FRMD4A: variants seen among roughly 807,000 people sequenced by gnomAD.
The protein encoded by FRMD4A is FERM domain-containing protein 4A.
A neutral mutation model predicts 129.1 loss-of-function variants in FRMD4A; 29 were observed. The observed-to-expected ratio is 0.22, with a 90% CI of 0.17 to 0.31. The LOEUF (loss-of-function observed/expected upper bound fraction) is 0.31, where lower values mean the gene tolerates loss of function less well. FRMD4A is among the 10% of genes least tolerant of loss of function. The pLI is 1.00. For missense variants in FRMD4A, 1,272 were observed against 1,375.8 expected (o/e 0.92, Z 1.19); for synonymous variants, 634 against 571.6 (o/e 1.11, Z -1.56).
chr10:14,063,559 A>AT (rs1555028562), intron 2 of FRMD4A, among the ~76,000 whole-genome samples: 1 of 25,390 alleles, frequency 3.9e-5, no homozygotes, highest in African/African-American at 8.2e-5. Context: ...ACCTTTTCTC[A>AT]TTAAAAAAAA....
At chr10:13,946,419 A>C (rs1465355469) in intron 2 of FRMD4A, among the ~76,000 whole-genome samples, 1 of 152,178 alleles carries the variant, frequency 6.6e-6, no homozygotes, top group Non-Finnish European at 1.5e-5. Context: ...TCACCATAAA[A>C]AAAATTCTAG....
intron 2 of FRMD4A, among the ~76,000 whole-genome samples, chr10:14,110,736 T>C (rs1174353377): frequency 6.6e-6 from 1 of 152,266 alleles, no homozygotes; most frequent in Non-Finnish European, 1.5e-5. Flanking sequence ...TGAAATGTTT[T>C]AATCTGCCAA....
chr10:13,969,118 C>G (rs537614824), intron 2 of FRMD4A, among the ~76,000 whole-genome samples: 13 of 152,314 alleles, frequency 8.5e-5, no homozygotes, highest in Admixed American at 7.8e-4. Context: ...TGCTCTGGGC[C>G]GCCTCTTCTT....
intron 2 of FRMD4A, chr10:14,008,403 A>T: frequency 9.7e-7 from 1 of 1,027,464 alleles, no homozygotes; most frequent in Non-Finnish European, 1.2e-6. Flanking sequence ...ACGAAGCAGC[A>T]TCTCTAGCTT....
chr10:14,172,171 T>TA (rs1841510611), intron 2 of FRMD4A, among the ~76,000 whole-genome samples: 1 of 152,076 alleles, frequency 6.6e-6, no homozygotes, highest in East Asian at 1.9e-4. Context: ...ATAAAAAGAC[T>TA]AAAAAAGAAT....
chr10:14,272,831 G>A (rs1218347), intron 2 of FRMD4A, among the ~76,000 whole-genome samples: 94,477 of 152,042 alleles, frequency 0.62, 30,651 homozygotes, highest in African/African-American at 0.82. Flanking sequence ...TTTCTCAGAT[G>A]TGTTTGAGGT....
intron 5 of FRMD4A, among the ~76,000 whole-genome samples, chr10:13,788,360 G>A (rs1481027510): frequency 6.6e-6 from 1 of 152,162 alleles, no homozygotes; most frequent in Non-Finnish European, 1.5e-5. Flanking sequence ...TCCCAAGCCT[G>A]CTCTCCCAGC....
chr10:14,201,239 A>C (rs551823760), intron 2 of FRMD4A, among the ~76,000 whole-genome samples: 5 of 152,328 alleles, frequency 3.3e-5, no homozygotes, highest in African/African-American at 1.2e-4. Flanking sequence ...CAGTCCTTGG[A>C]GTAGCTGCTT....
chr10:14,036,862 A>G (rs1227870527), intron 2 of FRMD4A, among the ~76,000 whole-genome samples: 1 of 152,196 alleles, frequency 6.6e-6, no homozygotes, highest in African/African-American at 2.4e-5. Context: ...GCAAGAATAC[A>G]GGCATGCTCC....
At chr10:14,201,015 G>A (rs757556432) in intron 2 of FRMD4A, among the ~76,000 whole-genome samples, 8 of 152,136 alleles carry the variant, frequency 5.3e-5, no homozygotes, top group African/African-American at 2.4e-5. Context: ...TCCAGTGCTG[G>A]CAGAGCCAGC....
chr10:13,719,427 C>T (rs2089197073), intron 12 of FRMD4A, among the ~76,000 whole-genome samples: 1 of 152,000 alleles, frequency 6.6e-6, no homozygotes, highest in African/African-American at 2.4e-5. Flanking sequence ...TAGAAATTGC[C>T]TCTGTCTGCT....
chr10:13,813,456 G>C (rs766724076), intron 3 of FRMD4A, among the ~76,000 whole-genome samples: 1 of 152,096 alleles, frequency 6.6e-6, no homozygotes, highest in African/African-American at 2.4e-5. Context: ...AAATAAATAA[G>C]TTGCAATATA....
At chr10:13,918,798 G>T (rs1247852709) in intron 2 of FRMD4A, among the ~76,000 whole-genome samples, 3 of 151,170 alleles carry the variant, frequency 2.0e-5, no homozygotes, top group African/African-American at 7.3e-5. Flanking sequence ...AAAATGCTGG[G>T]ATTACAGGCA....
intron 17 of FRMD4A, 112 bp downstream of exon 17, chr10:13,670,294 T>C: frequency 9.1e-7 from 1 of 1,094,330 alleles, no homozygotes; most frequent in Non-Finnish European, 1.4e-6. Flanking sequence ...TGAGCGAAAA[T>C]ACTGGCATTA....
At chr10:13,720,896 A>G (rs1469763432) in intron 12 of FRMD4A, among the ~76,000 whole-genome samples, 2 of 152,244 alleles carry the variant, frequency 1.3e-5, no homozygotes, top group Non-Finnish European at 2.9e-5. Context: ...GCAGCCCTAA[A>G]AAAGGAATGC....
intron 2 of FRMD4A, among the ~76,000 whole-genome samples, chr10:14,216,612 A>G (rs1411225469): frequency 3.3e-5 from 5 of 152,292 alleles, no homozygotes; most frequent in Admixed American, 6.5e-5. Flanking sequence ...TGTTTTCAAA[A>G]GAGGATGCAA....
At chr10:14,326,666 C>T in intron 2 of FRMD4A, 1 of 395,844 alleles carries the variant, frequency 2.5e-6, no homozygotes, top group Non-Finnish European at 4.4e-6. Flanking sequence ...CTTGAAGCCC[C>T]TTGGTTATTC....
chr10:14,046,486 C>T (rs1208509825), intron 2 of FRMD4A, among the ~76,000 whole-genome samples: 1 of 152,112 alleles, frequency 6.6e-6, no homozygotes, highest in Non-Finnish European at 1.5e-5. Context: ...TTTGAAAACT[C>T]ATTTCCAGGT....
At chr10:14,203,292 C>G (rs897931521) in intron 2 of FRMD4A, among the ~76,000 whole-genome samples, 9 of 152,188 alleles carry the variant, frequency 5.9e-5, no homozygotes, top group Non-Finnish European at 1.3e-4. Context: ...CTGACTACAA[C>G]GTCGTTTCCC....
Sources: gnomAD v4.1 joint callset for allele counts (sites outside exome capture counted in the v4.1 genomes callset) on GRCh38, gnomAD v4.1.1 for gene constraint, MANE v1.5 for transcripts, NCBI Gene and HGNC (gene_info 2026-07-23, HGNC 2026-07-21) for gene names.